Variants in SYT17 observed in about 807,000 individuals in gnomAD.
SYT17 encodes synaptotagmin-17.
In SYT17, 22 loss-of-function variants were observed where a neutral mutation model predicts 46.7. That is an observed-to-expected ratio of 0.47 (90% CI 0.34 to 0.67). SYT17 has a LOEUF of 0.67. Among genes scored for constraint, SYT17 ranks in the 30% least tolerant of loss-of-function variants. The pLI is 0.01. For missense variants in SYT17, 519 were observed against 612.8 expected (o/e 0.85, Z 1.62); for synonymous variants, 251 against 248.4 (o/e 1.01, Z -0.10).
intron 3 of SYT17, among the ~76,000 whole-genome samples, chr16:19,178,365 G>A (rs572635387): frequency 5.3e-5 from 8 of 151,562 alleles, no homozygotes; most frequent in Middle Eastern, 3.4e-3. Flanking sequence ...GATTACAGAC[G>A]TGAGCCACCG....
At chr16:19,244,510 T>G (rs923383814) in intron 7 of SYT17, among the ~76,000 whole-genome samples, 1 of 151,392 alleles carries the variant, frequency 6.6e-6, no homozygotes, top group African/African-American at 2.5e-5. Flanking sequence ...TTTAAAAAAT[T>G]TTTTGTAGAG....
At chr16:19,240,823 G>A (rs894645637) in intron 7 of SYT17, among the ~76,000 whole-genome samples, 24 of 152,204 alleles carry the variant, frequency 1.6e-4, no homozygotes, top group African/African-American at 5.1e-4. Flanking sequence ...CAGCCTCCCC[G>A]TCATACTTGC....
At chr16:19,262,808 T>G (rs1421248232) in intron 7 of SYT17, among the ~76,000 whole-genome samples, 1 of 152,142 alleles carries the variant, frequency 6.6e-6, no homozygotes, top group African/African-American at 2.4e-5. Flanking sequence ...AAATCACAGT[T>G]AGCACAGACA....
chr16:19,184,749 T>C (rs991271270), intron 5 of SYT17, among the ~76,000 whole-genome samples: 1 of 152,170 alleles, frequency 6.6e-6, no homozygotes, highest in Admixed American at 6.5e-5. Flanking sequence ...TCATCGATGC[T>C]GAGTTATTTA....
intron 7 of SYT17, among the ~76,000 whole-genome samples, chr16:19,232,289 G>T (rs1966728277): frequency 6.6e-6 from 1 of 152,280 alleles, no homozygotes; most frequent in South Asian, 2.1e-4. Flanking sequence ...CCAACCCTTG[G>T]TGTCTCTCTA....
chr16:19,248,913 C>T (rs59842742), intron 7 of SYT17, among the ~76,000 whole-genome samples: 7,666 of 152,132 alleles, frequency 0.05, 654 homozygotes, highest in African/African-American at 0.17. Context: ...AAAAACATTA[C>T]GCTAAGTGAA....
intron 5 of SYT17, among the ~76,000 whole-genome samples, chr16:19,192,498 G>C (rs1238452044): frequency 6.6e-6 from 1 of 152,142 alleles, no homozygotes; most frequent in South Asian, 2.1e-4. Flanking sequence ...CCAAGTGGGA[G>C]GACTGCTTGA....
intron 3 of SYT17, among the ~76,000 whole-genome samples, chr16:19,177,909 T>C (rs1239301361): frequency 6.6e-6 from 1 of 152,236 alleles, no homozygotes; most frequent in East Asian, 1.9e-4. Flanking sequence ...CTCTCAGAGA[T>C]GCCCCACTTG....
At chr16:19,236,868 C>G (rs999284223) in intron 7 of SYT17, among the ~76,000 whole-genome samples, 3 of 152,200 alleles carry the variant, frequency 2.0e-5, no homozygotes, top group Non-Finnish European at 4.4e-5. Context: ...TCTTCAGTCT[C>G]TATCCCCTCC....
chr16:19,225,733 T>A (rs1046685547), intron 7 of SYT17, among the ~76,000 whole-genome samples: 2 of 152,234 alleles, frequency 1.3e-5, no homozygotes, highest in African/African-American at 4.8e-5. Context: ...TCCTGGTTGT[T>A]GGCCAGTGAC....
At chr16:19,223,593 A>G (rs1182733997) in intron 6 of SYT17, among the ~76,000 whole-genome samples, 1 of 152,244 alleles carries the variant, frequency 6.6e-6, no homozygotes, top group Non-Finnish European at 1.5e-5. Flanking sequence ...AGCAAAAACC[A>G]TTCAAACATG....
At chr16:19,181,999 C>CAAAAAAAAAAAA (rs371941934) in intron 4 of SYT17, among the ~76,000 whole-genome samples, 1 of 81,934 alleles carries the variant, frequency 1.2e-5, no homozygotes. Context: ...AACTCTGTCT[C>CAAAAAAAAAAAA]AAAAAAAAAA....
chr16:19,197,446 GTTATTA>G (rs199952278), intron 5 of SYT17, among the ~76,000 whole-genome samples: 24,358 of 148,970 alleles, frequency 0.16, 2,079 homozygotes, highest in African/African-American at 0.21. Context: ...TTGTTTGTTT[GTTATTA>G]TTATTATTTT....
rs56947560 is a variant in SYT17 at position 19,190,768 on chromosome 16, CTGTGTGTGTGTGTGTGTGTG to C, written c.951+6643_951+6662del. The stretch of plus-strand genomic sequence containing the variant: ...TCTAAGGCTGAACTGAATAATATTC[CTGTGTGTGTGTGTGTGTGTG>C]TGTGTGTGTGTGTGTGTGTGTCATA... On this transcript the variant is annotated intron_variant, in intron 5 of 7. Transcript: ENST00000355377. Among the ~76,000 whole-genome samples, 9 of 144,720 alleles carry C rather than the reference CTGTGTGTGTGTGTGTGTGTG, an allele frequency of 6.2e-5. No individual in the cohort carries two copies. In the South Asian group the frequency reaches 7.0e-4, roughly 11 times the overall value. 94.9% of individuals were successfully genotyped at this position (144,720 alleles called of 152,430 possible).
rs1432103836 is a variant in SYT17, at chr16:19,268,192, A to G, written c.*1116A>G. 1 of 124,720 alleles carries G rather than the reference A, an allele frequency of 8.0e-6. No homozygotes were observed. The highest frequency in any genetic ancestry group is 2.8e-5 in the African/African-American group (1 of 36,286). The allele number at this position is 124,720 out of a possible 1,614,324, so 7.7% of individuals were successfully genotyped here. A position where few individuals can be genotyped will look rare whatever the true frequency, so the allele number is the denominator to read the frequency against. On this transcript the variant is annotated 3_prime_UTR_variant, in exon 8 of 8. Coordinates refer to ENST00000355377, the MANE Select transcript of SYT17 (RefSeq NM_016524.4). ...CGTGCTAAGGAATTAGTGTAGTTAG[A>G]ATAGATCTCTCTCTCTCTCTCTTTC...
intron 7 of SYT17, among the ~76,000 whole-genome samples, chr16:19,260,784 G>A (rs572929126): frequency 1.3e-5 from 2 of 152,246 alleles, no homozygotes; most frequent in African/African-American, 4.8e-5. Context: ...GAAATATTTG[G>A]TGGAGGTACT....
At chr16:19,200,593 A>G (rs977333113) in intron 5 of SYT17, among the ~76,000 whole-genome samples, 1 of 152,156 alleles carries the variant, frequency 6.6e-6, no homozygotes, top group South Asian at 2.1e-4. Context: ...GGCTCCATGG[A>G]CTGAGGTCAC....
intron 7 of SYT17, 127 bp from the exon 8 acceptor site, chr16:19,266,753 C>T (rs766809040): frequency 2.9e-5 from 22 of 770,024 alleles, no homozygotes; most frequent in South Asian, 5.0e-5. Context: ...GTGCCCTAAA[C>T]GATGACCCCC....
Position 19,168,715 on chromosome 16 carries a change from C to G in SYT17, c.15+54C>G, listed in dbSNP as rs1963963010. On this transcript the variant is annotated intron_variant, in intron 1 of 7. Transcript: ENST00000355377. The surrounding 1 kb of genome is among the most constrained non-coding windows in gnomAD (Gnocchi z 6.9). ...GGGTGCGGGTAGGGGGTGCCGCGCC[C>G]CCTCCGGCTGGGAGCGCGCGGAAGG... 8 of 1,430,572 alleles carry G rather than the reference C, an allele frequency of 5.6e-6. No homozygotes were observed. The South Asian group carries it at 1.0e-4, about 18-fold the overall frequency. 88.6% of individuals were successfully genotyped at this position (1,430,572 alleles called of 1,614,324 possible).
Sources: allele counts gnomAD v4.1 joint callset (sites outside exome capture counted in the v4.1 genomes callset), GRCh38; gene constraint gnomAD v4.1.1; non-coding constraint Gnocchi (gnomAD v3.1); transcripts MANE v1.5; gene names NCBI Gene and HGNC (gene_info 2026-07-23, HGNC 2026-07-21).